ZRANB3: variants seen among roughly 807,000 people sequenced by gnomAD.
The protein encoded by ZRANB3 is DNA annealing helicase and endonuclease ZRANB3.
In ZRANB3, 125 loss-of-function variants were observed where a neutral mutation model predicts 133.8. The observed-to-expected ratio is 0.93, with a 90% CI of 0.81 to 1.08. The LOEUF (loss-of-function observed/expected upper bound fraction) is 1.08, where lower values mean the gene tolerates loss of function less well. Among genes scored for constraint, ZRANB3 ranks in the 50% least tolerant of loss-of-function variants. The pLI is 0.00. For missense variants in ZRANB3, 1,229 were observed against 1,275.5 expected, an observed-to-expected ratio of 0.96 and a Z score of 0.56; for synonymous variants, 387 against 432.7, an observed-to-expected ratio of 0.89 and a Z score of 1.31.
chr2:135,420,364 T>C (rs889287600), intron 2 of ZRANB3, among the ~76,000 whole-genome samples: 1 of 151,956 alleles, frequency 6.6e-6, no homozygotes, highest in Non-Finnish European at 1.5e-5. Context: ...AGGAAAAATA[T>C]TTTTAGACAT....
chr2:135,514,972 C>T (rs1693640982), intron 1 of ZRANB3, among the ~76,000 whole-genome samples: 1 of 151,982 alleles, frequency 6.6e-6, no homozygotes, highest in African/African-American at 2.4e-5. Context: ...AGCCTTGAAT[C>T]CCAGGAATGA....
intron 2 of ZRANB3, among the ~76,000 whole-genome samples, chr2:135,495,054 G>A (rs1692601839): frequency 6.6e-6 from 1 of 152,092 alleles, no homozygotes; most frequent in South Asian, 2.1e-4. Flanking sequence ...GTACAACATA[G>A]CAGAACTCTG....
intron 12 of ZRANB3, among the ~76,000 whole-genome samples, chr2:135,234,248 C>G (rs942872142): frequency 1.3e-5 from 2 of 152,186 alleles, no homozygotes; most frequent in Admixed American, 1.3e-4. Context: ...AGCTAACTAT[C>G]CTAAATATAT....
At chr2:135,515,790 A>G (rs1693672463) in intron 1 of ZRANB3, among the ~76,000 whole-genome samples, 1 of 152,232 alleles carries the variant, frequency 6.6e-6, no homozygotes, top group Non-Finnish European at 1.5e-5. Context: ...ATAGACGTCT[A>G]TTAGGTCTGC....
chr2:135,306,147 A>G (rs1482937774), intron 8 of ZRANB3, among the ~76,000 whole-genome samples: 7 of 152,122 alleles, frequency 4.6e-5, no homozygotes, highest in Non-Finnish European at 8.8e-5. Context: ...GTTTTAAACT[A>G]TTACTTAATT....
intron 8 of ZRANB3, among the ~76,000 whole-genome samples, chr2:135,295,619 T>G (rs1349707561): frequency 1.9e-4 from 29 of 149,462 alleles, no homozygotes; most frequent in South Asian, 1.1e-3. Context: ...ATCCTGTCAT[T>G]ATGATGTTAG....
Position 135,529,290 on chromosome 2 carries a change from T to C in ZRANB3, c.-8+1837A>G, listed in dbSNP as rs538511378. On this transcript the variant is annotated intron_variant, in intron 1 of 20. Coordinates refer to ENST00000264159, the MANE Select transcript of ZRANB3 (RefSeq NM_032143.4). ...CCCTTTTCTGTAACTTGTATCTTCT[T>C]TATTCAATCAGTTTTCCTGGGTACC... is the stretch of plus-strand genomic sequence containing the variant. Among the ~76,000 whole-genome samples the C allele has an allele frequency of 2.0e-5, 3 of 152,322 alleles. No homozygotes were observed. The East Asian group carries it at 5.8e-4, about 29-fold the overall frequency.
chr2:135,486,802 T>C (rs1692144468), intron 2 of ZRANB3, among the ~76,000 whole-genome samples: 1 of 152,200 alleles, frequency 6.6e-6, no homozygotes, highest in Non-Finnish European at 1.5e-5. Context: ...CATGAGCCAC[T>C]GCACCCGGTC....
At chr2:135,402,735 G>A (rs1311286379) in intron 2 of ZRANB3, among the ~76,000 whole-genome samples, 3 of 151,592 alleles carry the variant, frequency 2.0e-5, no homozygotes, top group African/African-American at 4.9e-5. Flanking sequence ...ACAGGTGCGG[G>A]CCACCACGTC....
intron 13 of ZRANB3, 199 bp from the exon 14 acceptor site, chr2:135,228,214 T>G: frequency 2.2e-6 from 1 of 454,634 alleles, no homozygotes; most frequent in Non-Finnish European, 3.8e-6. Flanking sequence ...GAGAAATCCC[T>G]GCATTCTAGA....
Position 135,198,716 on chromosome 2 carries a change from A to G in ZRANB3, c.*1626T>C, listed in dbSNP as rs1693499457. The G allele has an allele frequency of 6.6e-6, 1 of 152,246 alleles. No homozygotes were observed. Among genetic ancestry groups the G allele is most frequent in the Non-Finnish European group, 1.5e-5 (1 of 68,054 alleles). The allele number at this position is 152,246 out of a possible 1,614,324, so 9.4% of individuals were successfully genotyped here. ...TCCTAGGTTACCTTGGAAATGAGGC[A>G]GAAAACTGCAAAGAGCACCTGACCA... On this transcript the variant is annotated 3_prime_UTR_variant, in exon 21 of 21. Transcript: ENST00000264159.
intron 20 of ZRANB3, among the ~76,000 whole-genome samples, chr2:135,201,656 C>T (rs1693630932): frequency 6.9e-6 from 1 of 145,896 alleles, no homozygotes; most frequent in Non-Finnish European, 1.5e-5. Context: ...CAGAGCAAGA[C>T]TCTGTCTCAA....
Position 135,219,177 on chromosome 2 carries a change from T to C in ZRANB3, c.2252A>G (p.Asp751Gly), listed in dbSNP as rs1180448242. The stretch of plus-strand genomic sequence containing the variant: ...GAAATTACAGCTCATCTGTTTTCCA[T>C]CCTGATGATAGATTAGGAAGACACT... ...NTDRIHIYTK[D>G]GKQMSCNFIP... Residue 751 changes from aspartate (D) to glycine (G), a missense_variant and splice_region_variant, in exon 16 of 21, where the codon GAT becomes GGT. Coordinates refer to ENST00000264159, the MANE Select transcript of ZRANB3 (RefSeq NM_032143.4). 6.6e-7 allele frequency: 1 copy of C among 1,515,344 alleles called. No homozygotes were observed. The highest frequency in any genetic ancestry group is 2.4e-5 in the East Asian group (1 of 40,952). 93.9% of individuals were successfully genotyped at this position (1,515,344 alleles called of 1,614,324 possible). A position where few individuals can be genotyped will look rare whatever the true frequency, so the allele number is the denominator to read the frequency against.
chr2:135,258,372 G>T (rs571674998), intron 12 of ZRANB3, among the ~76,000 whole-genome samples: 2 of 152,314 alleles, frequency 1.3e-5, no homozygotes, highest in East Asian at 3.9e-4. Flanking sequence ...GGAGCCTTGG[G>T]GAGTTAGCAC....
At chr2:135,281,568 T>C (rs563001905) in intron 8 of ZRANB3, among the ~76,000 whole-genome samples, 1 of 152,300 alleles carries the variant, frequency 6.6e-6, no homozygotes, top group East Asian at 1.9e-4. Context: ...TGATATCTGA[T>C]ATCCCGGAAT....
intron 2 of ZRANB3, among the ~76,000 whole-genome samples, chr2:135,462,024 A>C (rs1690787125): frequency 6.6e-6 from 1 of 152,218 alleles, no homozygotes; most frequent in Admixed American, 6.5e-5. Flanking sequence ...CTAGTTCTAA[A>C]GAATAGCAAA....
At chr2:135,308,441 C>T (rs1182354072) in intron 8 of ZRANB3, among the ~76,000 whole-genome samples, 1 of 152,148 alleles carries the variant, frequency 6.6e-6, no homozygotes. Flanking sequence ...AACTTCTGCT[C>T]CACTAATGGA....
intron 8 of ZRANB3, among the ~76,000 whole-genome samples, chr2:135,278,209 GA>G (rs1014766015): frequency 6.6e-6 from 1 of 152,070 alleles, no homozygotes; most frequent in Non-Finnish European, 1.5e-5. Flanking sequence ...ACAAAGAAAT[GA>G]TTCTATAAGC....
At position 135,217,682 on chromosome 2, in the gene ZRANB3, A is replaced by G. The variant is rs1694368550; in HGVS notation, c.2353-75T>C. ...TCCTTTGAATGTGAGCCTATTTACA[A>G]CATCAGAAAACTGCTATTTTGTTAT... On this transcript the variant is annotated intron_variant, in intron 16 of 20. Transcript: ENST00000264159. 4 of 1,509,138 alleles carry G rather than the reference A, an allele frequency of 2.7e-6. No homozygotes were observed. The Admixed American group carries it at 6.9e-5, about 26-fold the overall frequency. The allele number at this position is 1,509,138 out of a possible 1,614,324, so 93.5% of individuals were successfully genotyped here. A position where few individuals can be genotyped will look rare whatever the true frequency, so the allele number is the denominator to read the frequency against.
Sources: allele counts gnomAD v4.1 joint callset (sites outside exome capture counted in the v4.1 genomes callset), GRCh38; gene constraint gnomAD v4.1.1; transcripts MANE v1.5; gene names NCBI Gene and HGNC (gene_info 2026-07-23, HGNC 2026-07-21).